Variants in CHCHD3 observed in about 807,000 individuals in gnomAD.
The protein encoded by CHCHD3 is MICOS complex subunit MIC19.
CHCHD3 carries 20 observed loss-of-function variants against 38.2 expected under a neutral mutation model. The ratio of observed to expected loss-of-function variants is 0.52; its 90% CI spans 0.37 to 0.76. CHCHD3 has a LOEUF of 0.76. CHCHD3 is among the 30% of genes least tolerant of loss of function. The pLI, the probability that CHCHD3 is intolerant of heterozygous loss-of-function variation, is 0.00. For synonymous variants in CHCHD3, 82 were observed against 100.0 expected, an observed-to-expected ratio of 0.82 and a Z score of 1.07; for missense variants, 245 against 279.2, an observed-to-expected ratio of 0.88 and a Z score of 0.87.
intron 4 of CHCHD3, among the ~76,000 whole-genome samples, chr7:132,954,195 A>G (rs1811103308): frequency 6.6e-6 from 1 of 151,986 alleles, no homozygotes; most frequent in Non-Finnish European, 1.5e-5. Context: ...GCTCTGGTGT[A>G]TATGGCAGCC....
In CHCHD3 at chr7:132,885,721, G is replaced by C. The variant is rs1283295660; in HGVS notation, c.394C>G (p.Arg132Gly). The C allele has an allele frequency of 1.9e-6, 3 of 1,608,598 alleles. No individual in the cohort carries two copies. The highest frequency in any genetic ancestry group is 2.5e-6 in the Non-Finnish European group (3 of 1,178,066). Residue 132 changes from arginine to glycine, a missense_variant, in exon 5 of 8, where the codon CGA (arginine) becomes GGA (glycine). Physicochemically the swap from Arg to Gly is moderately radical, Grantham distance 125. Coordinates refer to ENST00000262570, the MANE Select transcript of CHCHD3 (RefSeq NM_017812.4). ...HLARQLEEKD[R>G]VLKKQDAFYK... The stretch of plus-strand genomic sequence containing the variant: ...AATGCATCCTGCTTCTTTAGCACTC[G>C]GTCTTTCTCTTCCAGCTGCCTAGCC...
chr7:132,815,575 A>G (rs1807179936), intron 6 of CHCHD3: 2 of 456,490 alleles, frequency 4.4e-6, no homozygotes, highest in African/African-American at 2.0e-5. Context: ...CCATACTGGG[A>G]CAAGAGGTAA....
intron 3 of CHCHD3, among the ~76,000 whole-genome samples, chr7:133,006,961 T>C (rs1490816232): frequency 6.6e-6 from 1 of 152,006 alleles, no homozygotes; most frequent in Non-Finnish European, 1.5e-5. Context: ...CCACTTGTTA[T>C]TTTTTTTCTC....
intron 5 of CHCHD3, among the ~76,000 whole-genome samples, chr7:132,843,298 C>A (rs1190041385): frequency 6.6e-6 from 1 of 151,970 alleles, no homozygotes; most frequent in Non-Finnish European, 1.5e-5. Context: ...TGGGCCACAT[C>A]CTGAATCTCT....
intron 3 of CHCHD3, among the ~76,000 whole-genome samples, chr7:132,993,985 G>A (rs1006199374): frequency 1.3e-5 from 2 of 148,590 alleles, no homozygotes; most frequent in East Asian, 1.9e-4. Flanking sequence ...TCATCTTAAT[G>A]TTTTAACATT....
chr7:132,852,155 T>C, intron 5 of CHCHD3, among the ~76,000 whole-genome samples: 1 of 152,230 alleles, frequency 6.6e-6, no homozygotes, highest in Non-Finnish European at 1.5e-5. Context: ...CTGATTTGGA[T>C]GATATTGGCT....
chr7:132,793,750 G>A (rs771399377), intron 7 of CHCHD3, among the ~76,000 whole-genome samples: 7 of 152,176 alleles, frequency 4.6e-5, no homozygotes, highest in African/African-American at 7.2e-5. Flanking sequence ...GCACTGTGTC[G>A]GATATGGACA....
At chr7:132,953,350 T>C (rs1811078533) in intron 4 of CHCHD3, among the ~76,000 whole-genome samples, 1 of 152,160 alleles carries the variant, frequency 6.6e-6, no homozygotes, top group Admixed American at 6.5e-5. Flanking sequence ...GAGGCTCCTA[T>C]GTCTACTCAG....
At chr7:133,079,929 A>C (rs964942086) in intron 1 of CHCHD3, among the ~76,000 whole-genome samples, 1 of 152,256 alleles carries the variant, frequency 6.6e-6, no homozygotes, top group Non-Finnish European at 1.5e-5. Flanking sequence ...CAATGGGCTA[A>C]GTATGGCTAC....
intron 4 of CHCHD3, 47 bp from the exon 5 acceptor site, chr7:132,885,792 C>T (rs756435027): frequency 7.3e-7 from 1 of 1,372,044 alleles, no homozygotes; most frequent in Admixed American, 2.3e-5. Context: ...AAAGCAGCAA[C>T]AGCAAAGCAA....
At chr7:132,923,737 C>T (rs920647255) in intron 4 of CHCHD3, among the ~76,000 whole-genome samples, 2 of 152,090 alleles carry the variant, frequency 1.3e-5, no homozygotes, top group Admixed American at 6.6e-5. Context: ...AAGATAGACC[C>T]CACCACCAAT....
intron 4 of CHCHD3, among the ~76,000 whole-genome samples, chr7:132,915,603 G>T (rs921064770): frequency 8.6e-5 from 13 of 151,984 alleles, no homozygotes; most frequent in Non-Finnish European, 1.3e-4. Context: ...TATGTGAATT[G>T]TTTTGTTTTG....
At chr7:132,995,392 A>C (rs1812387363) in intron 3 of CHCHD3, among the ~76,000 whole-genome samples, 1 of 152,192 alleles carries the variant, frequency 6.6e-6, no homozygotes, top group Non-Finnish European at 1.5e-5. Context: ...AGACCACTTA[A>C]TATATAGTCC....
At chr7:132,925,604 A>G (rs1348066227) in intron 4 of CHCHD3, among the ~76,000 whole-genome samples, 1 of 152,174 alleles carries the variant, frequency 6.6e-6, no homozygotes, top group African/African-American at 2.4e-5. Context: ...TGTTACTTAC[A>G]TTTGGTTATT....
At chr7:132,904,883 C>G (rs902869805) in intron 4 of CHCHD3, among the ~76,000 whole-genome samples, 3 of 152,160 alleles carry the variant, frequency 2.0e-5, no homozygotes. Context: ...AAATGTGGCA[C>G]ATATACACCA....
At chr7:132,872,586 T>C (rs974866639) in intron 5 of CHCHD3, among the ~76,000 whole-genome samples, 3 of 152,252 alleles carry the variant, frequency 2.0e-5, no homozygotes, top group Non-Finnish European at 2.9e-5. Context: ...ATTTAGCCTA[T>C]ACGCTATAGC....
intron 7 of CHCHD3, among the ~76,000 whole-genome samples, chr7:132,793,528 T>C (rs958599367): frequency 6.6e-6 from 1 of 152,200 alleles, no homozygotes; most frequent in Non-Finnish European, 1.5e-5. Flanking sequence ...GAGAAATTGT[T>C]GAAGAACAGC....
chr7:132,866,524 G>C (rs1028004556), intron 5 of CHCHD3, among the ~76,000 whole-genome samples: 7 of 152,174 alleles, frequency 4.6e-5, no homozygotes, highest in Admixed American at 1.3e-4. Context: ...GTGTTGACTT[G>C]GGTTTGGGAT....
At chr7:132,845,575 C>T (rs1387365455) in intron 5 of CHCHD3, among the ~76,000 whole-genome samples, 2 of 152,162 alleles carry the variant, frequency 1.3e-5, no homozygotes, top group African/African-American at 4.8e-5. Context: ...AACATTTGAC[C>T]TTATCACTAA....
Sources: allele counts gnomAD v4.1 joint callset (sites outside exome capture counted in the v4.1 genomes callset), GRCh38; gene constraint gnomAD v4.1.1; transcripts MANE v1.5; gene names NCBI Gene and HGNC (gene_info 2026-07-23, HGNC 2026-07-21).